Variants in PIAS2 observed in about 807,000 individuals in gnomAD.
PIAS2 encodes E3 SUMO-protein ligase PIAS2.
In PIAS2, 19 loss-of-function variants were observed where a neutral mutation model predicts 69.7. That is an observed-to-expected ratio of 0.27 (90% CI 0.19 to 0.40). The LOEUF (loss-of-function observed/expected upper bound fraction) is 0.40, where lower values mean the gene tolerates loss of function less well. Ranked by LOEUF, PIAS2 falls within the 10% of genes least tolerant of loss-of-function variation. The pLI, the probability that PIAS2 is intolerant of heterozygous loss-of-function variation, is 1.00. For synonymous variants in PIAS2, 261 were observed against 263.2 expected (o/e 0.99, Z 0.08); for missense variants, 624 against 757.0 (o/e 0.82, Z 2.06).
At chr18:46,912,299 T>G (rs1249262772) in intron 1 of PIAS2, among the ~76,000 whole-genome samples, 1 of 152,226 alleles carries the variant, frequency 6.6e-6, no homozygotes, top group East Asian at 1.9e-4. Context: ...GCATATAAGC[T>G]ATACACATCC....
At chr18:46,846,577 G>T in intron 6 of PIAS2, 130 bp downstream of exon 6, 1 of 933,402 alleles carries the variant, frequency 1.1e-6, no homozygotes, top group Non-Finnish European at 1.5e-6. Context: ...CCTCTAAACT[G>T]AAAATTACTG....
chr18:46,823,761 T>C (rs1428149601), intron 11 of PIAS2, among the ~76,000 whole-genome samples: 1 of 152,220 alleles, frequency 6.6e-6, no homozygotes, highest in African/African-American at 2.4e-5. Context: ...CAACCATTAA[T>C]ACAAATTCAA....
At chr18:46,843,825 AT>A in intron 8 of PIAS2, 1 of 329,390 alleles carries the variant, frequency 3.0e-6, no homozygotes, top group Non-Finnish European at 5.6e-6. Flanking sequence ...TACAACATTA[AT>A]TACAACAGAT....
upstream of PIAS2, among the ~76,000 whole-genome samples, chr18:46,918,195 T>C (rs530955499): frequency 7.9e-5 from 12 of 151,940 alleles, no homozygotes; most frequent in Non-Finnish European, 1.5e-4. Flanking sequence ...AGAAGGAAGC[T>C]TGATGGCCCC....
intron 1 of PIAS2, among the ~76,000 whole-genome samples, chr18:46,908,857 A>C (rs1362214345): frequency 2.0e-5 from 3 of 152,134 alleles, no homozygotes; most frequent in African/African-American, 7.2e-5. Context: ...AAAAATACAA[A>C]TATTAGCCAG....
intron 6 of PIAS2, 65 bp downstream of exon 6, chr18:46,846,642 A>G: frequency 6.8e-7 from 1 of 1,461,156 alleles, no homozygotes; most frequent in Non-Finnish European, 9.1e-7. Context: ...CAGCTTAAGA[A>G]AAAACACAGA....
At chr18:46,855,317 C>A (rs758000688) in intron 5 of PIAS2, 28 bp downstream of exon 5, 41 of 1,423,296 alleles carry the variant, frequency 2.9e-5, no homozygotes, top group Non-Finnish European at 3.7e-5. Flanking sequence ...AACTTATATG[C>A]AAATCTGGTG....
chr18:46,858,016 T>G (rs367964533), intron 3 of PIAS2, among the ~76,000 whole-genome samples: 1 of 152,050 alleles, frequency 6.6e-6, no homozygotes, highest in Admixed American at 6.5e-5. Flanking sequence ...AAATGACACA[T>G]TAAAGCAAAT....
chr18:46,817,109 CTTTTCAGT>C (rs1384199177), intron 12 of PIAS2: 2 of 948,596 alleles, frequency 2.1e-6, no homozygotes, highest in South Asian at 4.9e-5. Context: ...AACTTCTTAT[CTTTTCAGT>C]TTTTCAGTTT....
rs763051636 is a variant in PIAS2 at position 46,806,352 on chromosome 18, A to ATTTTTT, written c.*6080_*6081insAAAAAA. ...GAAAATTCTTTGCACAATGCCTGTT[A>ATTTTTT]CTTTTTTTTTTTTTTTTTTTTTTTT... On this transcript the variant is annotated 3_prime_UTR_variant, in exon 14 of 14. Coordinates refer to ENST00000585916, the MANE Select transcript of PIAS2 (RefSeq NM_004671.5). 4.8e-5 allele frequency: 2 copies of ATTTTTT among 42,016 alleles called. No homozygotes were observed. Among genetic ancestry groups the ATTTTTT allele is most frequent in the African/African-American group, 1.3e-4 (2 of 15,038 alleles). 2.6% of individuals were successfully genotyped at this position (42,016 alleles called of 1,614,324 possible).
intron 1 of PIAS2, chr18:46,907,378 CAG>C (rs2056746450): frequency 6.6e-6 from 1 of 152,140 alleles, no homozygotes; most frequent in African/African-American, 2.4e-5. Context: ...ACACATTCAC[CAG>C]AGTGTCTAAA....
chr18:46,862,680 T>C (rs1007534532), intron 3 of PIAS2, among the ~76,000 whole-genome samples: 11 of 148,702 alleles, frequency 7.4e-5, no homozygotes, highest in East Asian at 1.9e-4. Flanking sequence ...CACATATATA[T>C]ACACACACAC....
intron 5 of PIAS2, among the ~76,000 whole-genome samples, chr18:46,854,678 G>GAAGCCC (rs1417270448): frequency 6.6e-6 from 1 of 152,124 alleles, no homozygotes; most frequent in East Asian, 1.9e-4. Flanking sequence ...CCTAGGTGCT[G>GAAGCCC]AAGCCCATAT....
intron 10 of PIAS2, among the ~76,000 whole-genome samples, chr18:46,829,355 C>T (rs577658352): frequency 4.7e-4 from 71 of 152,336 alleles, no homozygotes; most frequent in Middle Eastern, 3.4e-3. Flanking sequence ...AGGCCATTAA[C>T]CAATGATGCA....
rs1178150965 is a variant in PIAS2 at position 46,820,941 on chromosome 18, T to C, written c.1640A>G (p.Asp547Gly). The change falls in exon 12 of 14, where the codon GAT becomes GGT. Residue 547 changes from aspartate (D) to glycine (G), a missense_variant. Asp to Gly is a moderately conservative substitution (Grantham distance 94). This residue lies in a region of PIAS2 where 241 missense variants were observed against 257.3 expected (regional missense o/e 0.94). Transcript: ENST00000585916. Reference sequence around the variant, plus strand: ...AAAAACACTCCACATACCTGGCAAATCTGATGACATGCTTGATATTGGCGT... The same window carrying C: ...AAAAACACTCCACATACCTGGCAAACCTGATGACATGCTTGATATTGGCGT... ...HHTPISSMSS[D>G]LPGLDFLSLI... 3.1e-6 allele frequency: 5 copies of C among 1,611,032 alleles called. No individual in the cohort carries two copies. The East Asian group carries it at 1.1e-4, about 36-fold the overall frequency.
rs150672493 is a variant in PIAS2 at position 46,889,652 on chromosome 18, G to A, written c.499+928C>T. ...AGGGAATGTAAAATGCAGCTGCCAC[G>A]GAAAACAGTATGGTGATGCCTCAAA... On this transcript the variant is annotated intron_variant, in intron 2 of 13. Transcript: ENST00000585916. Among the ~76,000 whole-genome samples the A allele has an allele frequency of 3.5e-3, 538 of 152,254 alleles. 1 individual carries two copies. Among genetic ancestry groups the A allele is most frequent in the Middle Eastern group, 0.014 (4 of 294 alleles).
In PIAS2 at chr18:46,855,608, A is replaced by G. The variant is rs116406972; in HGVS notation, c.592T>C (p.Leu198=). 667 of 1,613,148 alleles carry G rather than the reference A, an allele frequency of 4.1e-4. 3 individuals carry two copies. In the African/African-American group the frequency reaches 7.9e-3, roughly 19 times the overall value. ...VREICISRDF[L]PGGRRDYTVQ... is the part of the protein sequence containing the mutation. ...GTATAATCTCTCCTACCACCTGGCAAAAAATCCCTGTTGGAAAGAGAAAGA... is the reference window on the plus strand; with the variant it reads ...GTATAATCTCTCCTACCACCTGGCAGAAAATCCCTGTTGGAAAGAGAAAGA... Residue 198 remains leucine, a synonymous_variant, in exon 4 of 14, where the codon TTG becomes CTG. Transcript: ENST00000585916.
chr18:46,895,075 GAA>G (rs112927638), intron 1 of PIAS2, among the ~76,000 whole-genome samples: 9 of 121,600 alleles, frequency 7.4e-5, no homozygotes, highest in Admixed American at 1.7e-4. Flanking sequence ...CTCCATCTCG[GAA>G]AAAAAAAAAA....
intron 5 of PIAS2, 141 bp from the exon 6 acceptor site, chr18:46,846,982 A>G: frequency 1.6e-6 from 1 of 607,990 alleles, no homozygotes. Context: ...CCTTATGATC[A>G]TTATCAACCC....
Sources: gnomAD v4.1 joint callset for allele counts (sites outside exome capture counted in the v4.1 genomes callset) on GRCh38, gnomAD v4.1.1 for gene constraint, gnomAD v4.1.1 regional missense constraint, MANE v1.5 for transcripts, NCBI Gene and HGNC (gene_info 2026-07-23, HGNC 2026-07-21) for gene names.